Variants in TMCO1 observed in about 807,000 individuals in gnomAD.
TMCO1 encodes transmembrane and coiled-coil domains 1, also known as calcium load-activated calcium channel.
A neutral mutation model predicts 29.3 loss-of-function variants in TMCO1; 29 were observed. The observed-to-expected ratio is 0.99, with a 90% CI of 0.74 to 1.35. The LOEUF (loss-of-function observed/expected upper bound fraction) is 1.35, where lower values mean the gene tolerates loss of function less well. Among genes scored for constraint, TMCO1 ranks in the 40% most tolerant of loss-of-function variants. The probability of loss-of-function intolerance (pLI) is 0.00; values close to 1 mark genes in which losing one functional copy is unlikely to be tolerated. For missense variants in TMCO1, 173 were observed against 225.5 expected (o/e 0.77, Z 1.49); for synonymous variants, 80 against 77.1 (o/e 1.04, Z -0.20).
intron 5 of TMCO1, among the ~76,000 whole-genome samples, chr1:165,745,543 A>C (rs111359551): frequency 0.013 from 1,991 of 148,776 alleles, 52 homozygotes; most frequent in African/African-American, 0.047. Flanking sequence ...GCTACTCAGG[A>C]GGCTAAGGTA....
At chr1:165,743,412 T>C in intron 5 of TMCO1, 101 bp from the exon 6 acceptor site, 6 of 1,258,776 alleles carry the variant, frequency 4.8e-6, no homozygotes, top group Non-Finnish European at 5.6e-6. Context: ...TTTAAGTCTC[T>C]GATCTCTGAA....
intron 5 of TMCO1, among the ~76,000 whole-genome samples, chr1:165,745,855 G>T (rs1260614689): frequency 6.6e-6 from 1 of 152,030 alleles, no homozygotes; most frequent in Non-Finnish European, 1.5e-5. Context: ...ACAAAAACAT[G>T]AATACAGCAC....
intron 3 of TMCO1, among the ~76,000 whole-genome samples, chr1:165,756,339 C>G (rs1283779460): frequency 6.6e-6 from 1 of 152,096 alleles, no homozygotes; most frequent in East Asian, 1.9e-4. Flanking sequence ...CAGTGAAGAT[C>G]CCTGTCCAGC....
intron 6 of TMCO1, among the ~76,000 whole-genome samples, chr1:165,739,399 T>TC (rs1379073119): frequency 1.3e-5 from 2 of 151,242 alleles, no homozygotes; most frequent in Non-Finnish European, 2.9e-5. Context: ...CTAAATAATT[T>TC]TTTTTTGAGA....
chr1:165,745,594 T>C (rs1651770815), intron 5 of TMCO1, among the ~76,000 whole-genome samples: 1 of 151,534 alleles, frequency 6.6e-6, no homozygotes, highest in Admixed American at 6.6e-5. Flanking sequence ...CTGCAGTGAA[T>C]AGTGATCACA....
downstream of TMCO1, chr1:165,726,355 A>T: frequency 1.5e-6 from 1 of 676,782 alleles, no homozygotes. Context: ...TGTAATAAGG[A>T]GAACAAAAAA....
At chr1:165,724,391 C>A, downstream of TMCO1, 1 of 454,040 alleles carries the variant, frequency 2.2e-6, no homozygotes, top group Non-Finnish European at 4.4e-6. Context: ...ATGCTATCAC[C>A]AAAATCCAAA....
At chr1:165,755,809 A>G (rs926620682) in intron 3 of TMCO1, among the ~76,000 whole-genome samples, 4 of 152,144 alleles carry the variant, frequency 2.6e-5, no homozygotes, top group African/African-American at 9.7e-5. Flanking sequence ...CCTCATGAAG[A>G]TTTATAACAC....
At chr1:165,728,491 C>T (rs994538409) in intron 6 of TMCO1, among the ~76,000 whole-genome samples, 2 of 152,076 alleles carry the variant, frequency 1.3e-5, no homozygotes, top group Non-Finnish European at 2.9e-5. Flanking sequence ...CTCCTGACCT[C>T]ATGATCTGCC....
chr1:165,747,435 T>C (rs1332471741), intron 5 of TMCO1, among the ~76,000 whole-genome samples: 1 of 152,158 alleles, frequency 6.6e-6, no homozygotes, highest in African/African-American at 2.4e-5. Flanking sequence ...CTAAAAATTA[T>C]AAAGGTATTT....
In TMCO1 at chr1:165,768,190, A is replaced by C. The variant is rs747882572; in HGVS notation, c.148+2T>G. On this transcript the variant is annotated splice_donor_variant, in intron 2 of 6. Coordinates refer to ENST00000367881, the MANE Select transcript of TMCO1 (RefSeq NM_019026.6). LOFTEE classifies it high-confidence loss of function. ...TTATTTCTAATGTGTTGCCATACTC[A>C]CATTTTTTACTCTGTTTTTCCACTT... The C allele has an allele frequency of 3.7e-6, 6 of 1,612,334 alleles. No homozygotes were observed. The Admixed American group carries it at 1.0e-4, about 27-fold the overall frequency.
At chr1:165,742,590 G>C (rs556297049) in intron 6 of TMCO1, among the ~76,000 whole-genome samples, 4 of 152,008 alleles carry the variant, frequency 2.6e-5, no homozygotes, top group African/African-American at 7.3e-5. Context: ...GGCCCATCTC[G>C]AAAGCCACTT....
At chr1:165,745,826 A>T (rs996446710) in intron 5 of TMCO1, among the ~76,000 whole-genome samples, 1 of 152,186 alleles carries the variant, frequency 6.6e-6, no homozygotes, top group Non-Finnish European at 1.5e-5. Context: ...TTTTAAATGT[A>T]CAGGGTACAA....
At chr1:165,761,092 A>G (rs1002356448) in intron 2 of TMCO1, among the ~76,000 whole-genome samples, 2 of 152,192 alleles carry the variant, frequency 1.3e-5, no homozygotes, top group Non-Finnish European at 2.9e-5. Flanking sequence ...TTATCCAAGA[A>G]TTGTAAAATT....
At chr1:165,763,925 C>T (rs1020938857) in intron 2 of TMCO1, among the ~76,000 whole-genome samples, 2 of 152,208 alleles carry the variant, frequency 1.3e-5, no homozygotes, top group Admixed American at 1.3e-4. Context: ...CTGCACCTGG[C>T]CTCAACTGTA....
chr1:165,747,038 A>C (rs1376456746), intron 5 of TMCO1, among the ~76,000 whole-genome samples: 2 of 152,184 alleles, frequency 1.3e-5, no homozygotes, highest in Non-Finnish European at 2.9e-5. Context: ...AGGCAGGTGG[A>C]TCACTTGAGG....
At chr1:165,731,938 T>C (rs765948585) in intron 6 of TMCO1, among the ~76,000 whole-genome samples, 3 of 152,262 alleles carry the variant, frequency 2.0e-5, no homozygotes, top group Non-Finnish European at 2.9e-5. Flanking sequence ...ACAAACATTC[T>C]GCATTTACTG....
At chr1:165,737,001 T>C (rs181699960) in intron 6 of TMCO1, among the ~76,000 whole-genome samples, 1 of 152,238 alleles carries the variant, frequency 6.6e-6, no homozygotes, top group Admixed American at 6.5e-5. Context: ...GAGATGAGAT[T>C]TTGCTCTGTT....
Position 165,743,226 on chromosome 1 carries a change from C to T in TMCO1, c.409G>A (p.Asp137Asn). Reference protein sequence around the residue: ...GLSHRNLLGDDTTDCSFIFLY... With the variant: ...GLSHRNLLGDNTTDCSFIFLY... ...AAAATGAAGGAACAGTCTGTGGTGT[C>T]ATCTCCCAGCAGATTTCGATGAGAC... Residue 137 changes from aspartate (D) to asparagine (N), a missense_variant, in exon 6 of 7, where the codon GAC becomes AAC. Coordinates refer to ENST00000367881, the MANE Select transcript of TMCO1 (RefSeq NM_019026.6). 1 of 1,613,558 alleles carries T rather than the reference C, an allele frequency of 6.2e-7. No individual in the cohort carries two copies. Among genetic ancestry groups the T allele is most frequent in the Non-Finnish European group, 8.5e-7 (1 of 1,179,924 alleles).
Sources: gnomAD v4.1 joint callset for allele counts (sites outside exome capture counted in the v4.1 genomes callset) on GRCh38, gnomAD v4.1.1 for gene constraint, MANE v1.5 for transcripts, NCBI Gene and HGNC (gene_info 2026-07-23, HGNC 2026-07-21) for gene names.